EPHA2: variants seen among roughly 807,000 people sequenced by gnomAD.
EPHA2 encodes the protein ephrin type-A receptor 2.
In EPHA2, 54 loss-of-function variants were observed where a neutral mutation model predicts 104.9. The ratio of observed to expected loss-of-function variants is 0.51; its 90% CI spans 0.41 to 0.65. The LOEUF (loss-of-function observed/expected upper bound fraction) is 0.65, where lower values mean the gene tolerates loss of function less well. EPHA2 is among the 30% of genes least tolerant of loss of function. The pLI is 0.00. For missense variants in EPHA2, 1,117 were observed against 1,369.5 expected, an observed-to-expected ratio of 0.82 and a Z score of 2.91; for synonymous variants, 560 against 559.1, an observed-to-expected ratio of 1.00 and a Z score of -0.02.
At chr1:16,140,167 G>A (rs930319404) in intron 3 of EPHA2, among the ~76,000 whole-genome samples, 2 of 152,218 alleles carry the variant, frequency 1.3e-5, no homozygotes, top group Non-Finnish European at 2.9e-5. Flanking sequence ...TGATGACTCT[G>A]CTCTCAGAGC....
chr1:16,138,364 G>T lies in EPHA2; in HGVS notation c.890C>A (p.Thr297Lys). ...ESPCLECPEH[T>K]LPSPEGATSC... ...GGTGGCACCCTCAGGGGATGGCAGC[G>T]TGTGCTCAGGGCACTCCAAGCAGGG... Residue 297 changes from threonine (T) to lysine (K), a missense_variant, in exon 4 of 17, where the codon ACG becomes AAG. By Grantham distance (78) the Thr-to-Lys change is moderately conservative. Around this residue, in one of 3 missense-constraint regions of EPHA2, gnomAD observed 664 missense variants for 784.8 expected, o/e 0.85. Transcript: ENST00000358432. 6.2e-7 allele frequency: 1 copy of T among 1,613,898 alleles called. No homozygotes were observed. Among genetic ancestry groups the T allele is most frequent in the Non-Finnish European group, 8.5e-7 (1 of 1,180,010 alleles).
chr1:16,132,530 AGGAGAGGTGGGCACAGGTGTGG>A (rs1339647724), intron 11 of EPHA2, 91 bp from the exon 12 acceptor site: 47 of 1,298,764 alleles, frequency 3.6e-5, no homozygotes, highest in Non-Finnish European at 4.8e-5. Flanking sequence ...GCACAGGTGT[AGGAGAGGTGGGCACAGGTGTGG>A]GGAGAGGTGG....
rs756736831 is a variant in EPHA2, at chr1:16,132,172, G to A, written c.2217C>T (p.Asp739=). The A allele has an allele frequency of 8.1e-6, 13 of 1,614,114 alleles. No homozygotes were observed. Among genetic ancestry groups the A allele is most frequent in the South Asian group, 7.7e-5 (7 of 91,094 alleles). ...YLANMNYVHR[D]LAARNILVNS... The stretch of plus-strand genomic sequence containing the variant: ...TGACGAGGATGTTGCGGGCAGCCAG[G>A]TCACGGTGCACATAGTTCATGTTGG... Residue 739 remains aspartate, a synonymous_variant, in exon 13 of 17, where the codon GAC becomes GAT. Coordinates refer to ENST00000358432, the MANE Select transcript of EPHA2 (RefSeq NM_004431.5).
At chr1:16,143,705 G>A (rs572317543) in intron 3 of EPHA2, among the ~76,000 whole-genome samples, 1 of 152,160 alleles carries the variant, frequency 6.6e-6, no homozygotes, top group African/African-American at 2.4e-5. Context: ...AAGAGGTCAT[G>A]GTGGCAATTC....
intron 3 of EPHA2, among the ~76,000 whole-genome samples, chr1:16,145,998 C>T (rs1489234627): frequency 6.6e-6 from 1 of 152,232 alleles, no homozygotes; most frequent in Admixed American, 6.5e-5. Flanking sequence ...CTTGGCTCAG[C>T]GCCTGCCCCT....
intron 16 of EPHA2, among the ~76,000 whole-genome samples, chr1:16,127,817 A>AGC (rs2024497719): frequency 6.6e-6 from 1 of 152,214 alleles, no homozygotes; most frequent in Non-Finnish European, 1.5e-5. Flanking sequence ...CGCGCACTGC[A>AGC]GCGCACACAC....
chr1:16,142,984 AATGGATGGATGG>A (rs549081543), intron 3 of EPHA2, among the ~76,000 whole-genome samples: 2 of 73,910 alleles, frequency 2.7e-5, no homozygotes, highest in African/African-American at 1.2e-4. Context: ...TGGAGGGATG[AATGGATGGATGG>A]ATGGATGGAT....
rs925059005 is a variant in EPHA2 at position 16,125,972 on chromosome 1, A to G, written c.2826-652T>C. ...GAAGGGTTAAACTTTGCGAGTCTTC[A>G]TGGGTGAGGCTTGCGGGTCACCAGA... On this transcript the variant is annotated intron_variant, in intron 16 of 16. Coordinates refer to ENST00000358432, the MANE Select transcript of EPHA2 (RefSeq NM_004431.5). The surrounding 1 kb of genome is among the most constrained non-coding windows in gnomAD (Gnocchi z 4.9). Among the ~76,000 whole-genome samples, 4 of 152,208 alleles carry G rather than the reference A, an allele frequency of 2.6e-5. No individual in the cohort carries two copies. Among genetic ancestry groups the G allele is most frequent in the African/African-American group, 9.6e-5 (4 of 41,454 alleles).
chr1:16,141,992 C>T (rs748175788), intron 3 of EPHA2, among the ~76,000 whole-genome samples: 9 of 152,204 alleles, frequency 5.9e-5, no homozygotes, highest in Non-Finnish European at 1.0e-4. Context: ...CCAGCAAGCC[C>T]CTGTGTTCTT....
chr1:16,154,805 G>C (rs898592241), intron 1 of EPHA2, among the ~76,000 whole-genome samples: 1 of 144,664 alleles, frequency 6.9e-6, no homozygotes, highest in Non-Finnish European at 1.5e-5. Flanking sequence ...ACCGGCCCAA[G>C]TTTCCTCCCG....
chr1:16,141,733 G>C (rs1344606770), intron 3 of EPHA2, among the ~76,000 whole-genome samples: 1 of 152,272 alleles, frequency 6.6e-6, no homozygotes, highest in Non-Finnish European at 1.5e-5. Flanking sequence ...TGGGGGAAGA[G>C]ATGGGCTCTT....
Position 16,129,578 on chromosome 1 carries a change from C to G in EPHA2, c.2681G>C (p.Arg894Pro), listed in dbSNP as rs771918606. The change falls in exon 16 of 17, where the codon CGG becomes CCG. Residue 894 changes from arginine (R) to proline (P), a missense_variant. Physicochemically the swap from Arg to Pro is moderately radical, Grantham distance 103. Coordinates refer to ENST00000358432, the MANE Select transcript of EPHA2 (RefSeq NM_004431.5). ...LADFDPRVSIRLPSTSGSEGV... is the reference protein window; with the variant it reads ...LADFDPRVSIPLPSTSGSEGV... The stretch of plus-strand genomic sequence containing the variant: ...CTCCGAGCCGCTCGTGCTGGGGAGC[C>G]GGATAGACACGCTGCAACAGGAAGC... 1.2e-6 allele frequency: 2 copies of G among 1,610,726 alleles called. No homozygotes were observed. Among genetic ancestry groups the G allele is most frequent in the South Asian group, 1.1e-5 (1 of 91,050 alleles).
Position 16,134,901 on chromosome 1 carries a change from G to A in EPHA2, c.1582+135C>T, listed in dbSNP as rs13374822. On this transcript the variant is annotated intron_variant, in intron 7 of 16. Transcript: ENST00000358432. This position sits in a 1 kb window ranked among gnomAD's most constrained non-coding sequence, Gnocchi z 4.5. The stretch of plus-strand genomic sequence containing the variant: ...CTCCCCAGGCTTGGGGGCAGTCCCC[G>A]AAGGGCTGTCCCAGGCCGCCGGTGA... The A allele has an allele frequency of 3.6e-5, 52 of 1,426,620 alleles. No homozygotes were observed. Among genetic ancestry groups the A allele is most frequent in the Admixed American group, 9.3e-5 (5 of 53,934 alleles). The allele number at this position is 1,426,620 out of a possible 1,614,324, so 88.4% of individuals were successfully genotyped here.
At chr1:16,147,742 G>C (rs2024961116) in intron 3 of EPHA2, among the ~76,000 whole-genome samples, 1 of 151,190 alleles carries the variant, frequency 6.6e-6, no homozygotes, top group African/African-American at 2.4e-5. Context: ...GGAAACCCAG[G>C]CACAGAGAGG....
In EPHA2 at chr1:16,150,930, TC is replaced by T. The variant is rs770199947; in HGVS notation, c.118del (p.Glu40SerfsTer15). ...VLLDFAAAGG[E>X]LGWLTHPYGK... ...ATACGGGTGTGTGAGCCAGCCGAGC[TC>T]CCCTCCAGCTGCAGCAAAGTCCAGC... On this transcript the variant is annotated frameshift_variant, in exon 2 of 17. Coordinates refer to ENST00000358432, the MANE Select transcript of EPHA2 (RefSeq NM_004431.5). LOFTEE classifies it high-confidence loss of function. The surrounding 1 kb of genome is among the most constrained non-coding windows in gnomAD (Gnocchi z 4.8). 6.2e-7 allele frequency: 1 copy of T among 1,613,990 alleles called. No homozygotes were observed.
Position 16,134,185 on chromosome 1 carries a change from C to T in EPHA2, c.1683-270G>A, listed in dbSNP as rs1410418360. ...CTTAAGCAGTCGTGACGAAGGCATT[C>T]CCATTAGAGCTACTCGGGGATTCCT... On this transcript the variant is annotated intron_variant, in intron 8 of 16. Transcript: ENST00000358432. This position sits in a 1 kb window ranked among gnomAD's most constrained non-coding sequence, Gnocchi z 4.5. Among the ~76,000 whole-genome samples the T allele has an allele frequency of 6.6e-6, 1 of 152,156 alleles. No homozygotes were observed. Among genetic ancestry groups the T allele is most frequent in the African/African-American group, 2.4e-5 (1 of 41,436 alleles).
chr1:16,144,309 A>G (rs919664842), intron 3 of EPHA2, among the ~76,000 whole-genome samples: 1 of 152,090 alleles, frequency 6.6e-6, no homozygotes, highest in Admixed American at 6.5e-5. Context: ...GCCAGAAGAA[A>G]CATCACAGAA....
At chr1:16,132,583 G>T in intron 11 of EPHA2, 144 bp from the exon 12 acceptor site, 1 of 828,786 alleles carries the variant, frequency 1.2e-6, no homozygotes, top group Non-Finnish European at 2.0e-6. Context: ...GGGAGGGTGG[G>T]TACAGGTATG....
chr1:16,135,583 G>A lies in EPHA2; in HGVS notation c.1428+72C>T. ...TCTTCAGATGGCTGGGTGGTTTGGT[G>A]ATCATCTATGTGACCAGCCTGTCCC... On this transcript the variant is annotated intron_variant, in intron 6 of 16. Transcript: ENST00000358432. The surrounding 1 kb of genome is among the most constrained non-coding windows in gnomAD (Gnocchi z 4.3). 7.0e-7 allele frequency: 1 copy of A among 1,425,278 alleles called. No homozygotes were observed. Among genetic ancestry groups the A allele is most frequent in the Non-Finnish European group, 9.9e-7 (1 of 1,008,794 alleles). The allele number at this position is 1,425,278 out of a possible 1,614,324, so 88.3% of individuals were successfully genotyped here.
Sources: allele counts gnomAD v4.1 joint callset (sites outside exome capture counted in the v4.1 genomes callset), GRCh38; gene constraint gnomAD v4.1.1; regional missense constraint gnomAD v4.1.1; non-coding constraint Gnocchi (gnomAD v3.1); transcripts MANE v1.5; gene names NCBI Gene and HGNC (gene_info 2026-07-23, HGNC 2026-07-21).